GRID1: variants seen among roughly 807,000 people sequenced by gnomAD.
GRID1 encodes glutamate ionotropic receptor delta type subunit 1, also known as glutamate receptor ionotropic, delta-1.
In GRID1, 28 loss-of-function variants were observed where a neutral mutation model predicts 98.0. The ratio of observed to expected loss-of-function variants is 0.29; its 90% CI spans 0.21 to 0.39. The LOEUF (loss-of-function observed/expected upper bound fraction) is 0.39. Among genes scored for constraint, GRID1 ranks in the 10% least tolerant of loss-of-function variants. GRID1 has a pLI of 1.00. For missense variants in GRID1, 1,111 were observed against 1,340.5 expected (o/e 0.83, Z 2.67); for synonymous variants, 553 against 538.5 (o/e 1.03, Z -0.37).
At position 86,299,010 on chromosome 10, in the gene GRID1, G is replaced by A. The variant is rs7080573; in HGVS notation, c.235+64931C>T. Among the ~76,000 whole-genome samples the A allele has an allele frequency of 9.1e-3, 1,386 of 152,162 alleles. 22 individuals are homozygous for A. Among genetic ancestry groups the A allele is most frequent in the African/African-American group, 0.032 (1,325 of 41,500 alleles). ...AAGGAGCTCACATATCTGAGGCACT[G>A]GGGGTAGTTCCATGTCCTATTCCAT... On this transcript the variant is annotated intron_variant, in intron 2 of 15. Transcript: ENST00000327946.
intron 2 of GRID1, among the ~76,000 whole-genome samples, chr10:86,362,836 G>C (rs1278139267): frequency 1.3e-5 from 2 of 152,226 alleles, no homozygotes; most frequent in African/African-American, 4.8e-5. Flanking sequence ...GGCTTGAGGA[G>C]AAAACACCAG....
chr10:85,649,275 T>A (rs933954130), intron 12 of GRID1, among the ~76,000 whole-genome samples: 1 of 152,214 alleles, frequency 6.6e-6, no homozygotes, highest in African/African-American at 2.4e-5. Flanking sequence ...ACAGCACTCC[T>A]TAGGTCCCTG....
At chr10:85,738,156 C>T (rs1233891409) in intron 8 of GRID1, among the ~76,000 whole-genome samples, 1 of 151,998 alleles carries the variant, frequency 6.6e-6, no homozygotes, top group Non-Finnish European at 1.5e-5. Context: ...GATGTGTGTA[C>T]CCAATAAAGG....
chr10:86,207,695 G>A (rs944810588), intron 2 of GRID1, among the ~76,000 whole-genome samples: 21 of 144,510 alleles, frequency 1.5e-4, no homozygotes, highest in African/African-American at 4.9e-4. Flanking sequence ...GCAGTGGCGC[G>A]ATCTCGACTC....
rs1845553641 is a variant in GRID1 at position 86,175,006 on chromosome 10, G to A, written c.520+31358C>T. On this transcript the variant is annotated intron_variant, in intron 3 of 15. Transcript: ENST00000327946. The stretch of plus-strand genomic sequence containing the variant: ...GTCAGGAAACAACAGGTGCTGGAGA[G>A]GATGTGGAGAAATAGGAACACTTTT... Among the ~76,000 whole-genome samples the A allele has an allele frequency of 2.6e-5, 4 of 152,260 alleles. No individual in the cohort carries two copies. In the South Asian group the frequency reaches 8.3e-4, roughly 32 times the overall value.
chr10:85,665,471 C>A (rs1439276542), intron 12 of GRID1, among the ~76,000 whole-genome samples: 1 of 152,138 alleles, frequency 6.6e-6, no homozygotes, highest in Non-Finnish European at 1.5e-5. Context: ...CCAGCAGGTT[C>A]CAGGCACTTT....
At position 85,649,206 on chromosome 10, in the gene GRID1, C is replaced by T. The variant is rs562052835; in HGVS notation, c.1998-1809G>A. ...GGACCAACGCTGACAGCAGCCTCCC[C>T]GGCCAGCACACAGAAGGCCCAGCTG... On this transcript the variant is annotated intron_variant, in intron 12 of 15. Coordinates refer to ENST00000327946, the MANE Select transcript of GRID1 (RefSeq NM_017551.3). Among the ~76,000 whole-genome samples, 4 of 152,302 alleles carry T rather than the reference C, an allele frequency of 2.6e-5. No individual in the cohort carries two copies. In the East Asian group the frequency reaches 7.7e-4, roughly 29 times the overall value.
intron 14 of GRID1, 111 bp from the exon 15 acceptor site, chr10:85,613,758 T>C: frequency 7.9e-7 from 1 of 1,271,986 alleles, no homozygotes; most frequent in Non-Finnish European, 1.1e-6. Context: ...CATTGAGCCA[T>C]CCTAGCAGCT....
chr10:86,205,141 G>T (rs2132018341), intron 3 of GRID1, among the ~76,000 whole-genome samples: 1 of 152,356 alleles, frequency 6.6e-6, no homozygotes, highest in African/African-American at 2.4e-5. Flanking sequence ...ATTTGCTCAA[G>T]AGCTGAGGAC....
intron 4 of GRID1, among the ~76,000 whole-genome samples, chr10:86,034,332 A>C (rs75710108): frequency 0.042 from 6,463 of 152,228 alleles, 404 homozygotes; most frequent in African/African-American, 0.14. Context: ...AAAAGTAACC[A>C]AAGAAGGCAA....
chr10:86,180,234 C>A (rs186935249), intron 3 of GRID1, among the ~76,000 whole-genome samples: 40 of 152,248 alleles, frequency 2.6e-4, no homozygotes, highest in Admixed American at 2.4e-3. Flanking sequence ...GGCACCATGC[C>A]TGGGGCCCGC....
intron 15 of GRID1, among the ~76,000 whole-genome samples, chr10:85,608,274 A>G (rs1842695307): frequency 6.6e-6 from 1 of 152,208 alleles, no homozygotes; most frequent in African/African-American, 2.4e-5. Flanking sequence ...GGATATCAGA[A>G]GCACAGGTGG....
At chr10:85,707,228 A>C (rs1397605585) in intron 12 of GRID1, among the ~76,000 whole-genome samples, 1 of 152,206 alleles carries the variant, frequency 6.6e-6, no homozygotes, top group Non-Finnish European at 1.5e-5. Context: ...CAAAGGGCTA[A>C]CATCCAGAAT....
chr10:86,074,358 C>G (rs1448530192), intron 4 of GRID1, among the ~76,000 whole-genome samples: 1 of 152,190 alleles, frequency 6.6e-6, no homozygotes, highest in Non-Finnish European at 1.5e-5. Flanking sequence ...AACTATCATT[C>G]TACCCGCTAC....
At chr10:86,116,575 A>G (rs1844584088) in intron 4 of GRID1, among the ~76,000 whole-genome samples, 1 of 152,238 alleles carries the variant, frequency 6.6e-6, no homozygotes, top group Non-Finnish European at 1.5e-5. Flanking sequence ...AGACTTCTCT[A>G]GGGCTGAGAG....
At chr10:86,033,560 C>G (rs1483154401) in intron 4 of GRID1, among the ~76,000 whole-genome samples, 1 of 152,242 alleles carries the variant, frequency 6.6e-6, no homozygotes, top group Non-Finnish European at 1.5e-5. Context: ...GGGCAGCAGT[C>G]TTGCCTGCAG....
chr10:86,045,578 G>T (rs1220241833), intron 4 of GRID1, among the ~76,000 whole-genome samples: 2 of 152,108 alleles, frequency 1.3e-5, no homozygotes, highest in African/African-American at 4.8e-5. Flanking sequence ...AGCATATGGG[G>T]CTCCTGAGAC....
intron 7 of GRID1, among the ~76,000 whole-genome samples, chr10:85,855,534 T>G (rs564897513): frequency 6.6e-6 from 1 of 152,316 alleles, no homozygotes; most frequent in South Asian, 2.1e-4. Context: ...ACGCTATGGA[T>G]TTCCCTAAAT....
At chr10:85,840,711 A>G (rs1189817688) in intron 8 of GRID1, among the ~76,000 whole-genome samples, 2 of 152,100 alleles carry the variant, frequency 1.3e-5, no homozygotes, top group African/African-American at 4.8e-5. Flanking sequence ...AGCAGAGAGC[A>G]CAATCAAGAA....
Sources: gnomAD v4.1 joint callset for allele counts (sites outside exome capture counted in the v4.1 genomes callset) on GRCh38, gnomAD v4.1.1 for gene constraint, MANE v1.5 for transcripts, NCBI Gene and HGNC (gene_info 2026-07-23, HGNC 2026-07-21) for gene names.